The following LRP6 variants were observed in gnomAD, a reference collection of about 807,000 sequenced individuals.
LRP6 encodes low-density lipoprotein receptor-related protein 6.
In LRP6, 43 loss-of-function variants were observed where a neutral mutation model predicts 184.1. That is an observed-to-expected ratio of 0.23 (90% CI 0.18 to 0.30). The LOEUF is 0.30. Among genes scored for constraint, LRP6 ranks in the 10% least tolerant of loss-of-function variants. The probability of loss-of-function intolerance (pLI) is 1.00; values close to 1 mark genes in which losing one functional copy is unlikely to be tolerated. For missense variants in LRP6, 1,571 were observed against 2,005.3 expected (o/e 0.78, Z 4.14); for synonymous variants, 719 against 684.9 (o/e 1.05, Z -0.78).
At chr12:12,139,774 T>C (rs1949903515) in intron 15 of LRP6, among the ~76,000 whole-genome samples, 1 of 151,626 alleles carries the variant, frequency 6.6e-6, no homozygotes, top group Non-Finnish European at 1.5e-5. Context: ...TATAAACCCA[T>C]AAGGACAAAG....
At chr12:12,201,925 G>T (rs960704154) in intron 3 of LRP6, among the ~76,000 whole-genome samples, 4 of 151,936 alleles carry the variant, frequency 2.6e-5, no homozygotes, top group Admixed American at 2.0e-4. Flanking sequence ...ATCTTTCCTG[G>T]TTTTCAATAC....
intron 7 of LRP6, among the ~76,000 whole-genome samples, chr12:12,171,016 C>T (rs1478591910): frequency 6.6e-6 from 1 of 152,090 alleles, no homozygotes; most frequent in Non-Finnish European, 1.5e-5. Context: ...TTTCTGCCAT[C>T]TCCTTAGCCC....
At chr12:12,222,138 C>G (rs1216238774) in intron 2 of LRP6, among the ~76,000 whole-genome samples, 2 of 152,148 alleles carry the variant, frequency 1.3e-5, no homozygotes, top group African/African-American at 4.8e-5. Flanking sequence ...TTAAATTTTA[C>G]TAAGCAGTAA....
chr12:12,209,119 A>C (rs1482561916), intron 2 of LRP6, among the ~76,000 whole-genome samples: 1 of 152,236 alleles, frequency 6.6e-6, no homozygotes, highest in African/African-American at 2.4e-5. Context: ...ACGTGATACA[A>C]AGTTTGAAAT....
At chr12:12,139,105 C>T (rs756503951) in intron 15 of LRP6, 2 of 851,182 alleles carry the variant, frequency 2.3e-6, no homozygotes, top group Middle Eastern at 4.8e-4. Flanking sequence ...TCATACCCCC[C>T]ACCCTGCTTT....
chr12:12,120,729 A>AT lies in LRP6; in HGVS notation c.*396dup, dbSNP rs1949593802. 6.4e-6 allele frequency: 1 copy of AT among 156,664 alleles called. No individual in the cohort carries two copies. Among genetic ancestry groups the AT allele is most frequent in the South Asian group, 2.0e-4 (1 of 4,976 alleles). The allele number at this position is 156,664 out of a possible 1,614,324, so 9.7% of individuals were successfully genotyped here. On this transcript the variant is annotated 3_prime_UTR_variant, in exon 23 of 23. Transcript: ENST00000261349. The stretch of plus-strand genomic sequence containing the variant: ...GGTTTGCTGCTCTGAGATGGACTTA[A>AT]TTTTTCTTCTTCCTCTTTTTTATTT...
intron 7 of LRP6, among the ~76,000 whole-genome samples, chr12:12,173,908 C>G (rs1487032214): frequency 6.6e-6 from 1 of 152,170 alleles, no homozygotes. Flanking sequence ...AGTCCAAACT[C>G]CAGGTGCTCT....
chr12:12,182,278 T>C (rs1863362433), intron 5 of LRP6, among the ~76,000 whole-genome samples: 1 of 152,208 alleles, frequency 6.6e-6, no homozygotes, highest in African/African-American at 2.4e-5. Context: ...AAATATTAAC[T>C]AATACTTAAC....
At chr12:12,123,255 A>G (rs955131058) in intron 22 of LRP6, among the ~76,000 whole-genome samples, 3 of 152,228 alleles carry the variant, frequency 2.0e-5, no homozygotes, top group Non-Finnish European at 2.9e-5. Flanking sequence ...TTTAAAAAAT[A>G]AAATTTTGTA....
intron 2 of LRP6, among the ~76,000 whole-genome samples, chr12:12,224,927 A>T (rs1367683859): frequency 6.6e-6 from 1 of 152,188 alleles, no homozygotes; most frequent in Non-Finnish European, 1.5e-5. Context: ...CTGAATGGCC[A>T]GGGGCGGTGG....
chr12:12,130,422 G>C (rs576738413), intron 19 of LRP6, among the ~76,000 whole-genome samples: 31 of 152,022 alleles, frequency 2.0e-4, no homozygotes, highest in African/African-American at 6.5e-4. Flanking sequence ...CTGACCTCAA[G>C]TGATCCGCCC....
intron 3 of LRP6, among the ~76,000 whole-genome samples, chr12:12,202,515 C>A (rs1433073951): frequency 6.6e-6 from 1 of 152,158 alleles, no homozygotes; most frequent in Non-Finnish European, 1.5e-5. Flanking sequence ...TGCATTCCAG[C>A]CCGGATGACA....
At chr12:12,140,189 T>A (rs907090204) in intron 15 of LRP6, among the ~76,000 whole-genome samples, 1 of 148,084 alleles carries the variant, frequency 6.8e-6, no homozygotes, top group Non-Finnish European at 1.5e-5. Flanking sequence ...AACAAATAAA[T>A]ACCAATTAAA....
chr12:12,188,583 T>G (rs1043147397), intron 3 of LRP6, among the ~76,000 whole-genome samples: 1 of 152,248 alleles, frequency 6.6e-6, no homozygotes, highest in East Asian at 1.9e-4. Context: ...CGTCTGTGAT[T>G]GCACATGGAA....
At chr12:12,244,742 G>T in intron 1 of LRP6, 87 bp from the exon 2 acceptor site, 2 of 1,197,196 alleles carry the variant, frequency 1.7e-6, no homozygotes, top group Non-Finnish European at 2.4e-6. Flanking sequence ...GTTTAAGTGA[G>T]CAAAGACTGT....
chr12:12,266,618 A>C (rs537785805), intron 1 of LRP6, 63 bp downstream of exon 1: 399 of 1,091,146 alleles, frequency 3.7e-4, no homozygotes, highest in Non-Finnish European at 5.0e-4. Flanking sequence ...CCCCCTAGAC[A>C]CATACAACAA....
chr12:12,203,464 A>C lies in LRP6; in HGVS notation c.450-64T>G, dbSNP rs909705792. 3 of 1,346,268 alleles carry C rather than the reference A, an allele frequency of 2.2e-6. No individual in the cohort carries two copies. The Admixed American group carries it at 5.1e-5, about 23-fold the overall frequency. 83.4% of individuals were successfully genotyped at this position (1,346,268 alleles called of 1,614,324 possible). A position where few individuals can be genotyped will look rare whatever the true frequency, so the allele number is the denominator to read the frequency against. ...GATATCAATCAAATACTCTGTAATT[A>C]TTACTATTAAAGAAAGCTCAGGCCG... On this transcript the variant is annotated intron_variant, in intron 2 of 22. Transcript: ENST00000261349.
At chr12:12,180,693 C>T (rs73291586) in intron 6 of LRP6, among the ~76,000 whole-genome samples, 1 of 152,034 alleles carries the variant, frequency 6.6e-6, no homozygotes, top group Non-Finnish European at 1.5e-5. Flanking sequence ...CTATAAAGTA[C>T]TGAAAATGGA....
chr12:12,187,141 T>C, intron 3 of LRP6, 22 bp from the exon 4 acceptor site: 2 of 1,601,416 alleles, frequency 1.2e-6, no homozygotes, highest in Non-Finnish European at 8.5e-7. Context: ...AAGAGAAAAA[T>C]TTAAACTTAT....
Sources: allele counts gnomAD v4.1 joint callset (sites outside exome capture counted in the v4.1 genomes callset), GRCh38; gene constraint gnomAD v4.1.1; transcripts MANE v1.5; gene names NCBI Gene and HGNC (gene_info 2026-07-23, HGNC 2026-07-21).